The following PLXDC2 variants were observed in gnomAD, a reference collection of about 807,000 sequenced individuals.
PLXDC2 encodes plexin domain containing 2.
PLXDC2 carries 40 observed loss-of-function variants against 68.9 expected under a neutral mutation model. The ratio of observed to expected loss-of-function variants is 0.58; its 90% confidence interval spans 0.45 to 0.76. The LOEUF (loss-of-function observed/expected upper bound fraction) is 0.76. PLXDC2 is among the 30% of genes least tolerant of loss of function. PLXDC2 has a pLI of 0.00. For missense variants in PLXDC2, 644 were observed against 661.9 expected (o/e 0.97, Z 0.30); for synonymous variants, 243 against 234.2 (o/e 1.04, Z -0.34).
chr10:20,257,567 G>C (rs1835757725), intron 13 of PLXDC2, among the ~76,000 whole-genome samples: 1 of 152,150 alleles, frequency 6.6e-6, no homozygotes, highest in South Asian at 2.1e-4. Context: ...GGTAGTATTG[G>C]GTAATGTCTC....
intron 1 of PLXDC2, among the ~76,000 whole-genome samples, chr10:19,870,733 A>C (rs573769898): frequency 4.6e-5 from 7 of 152,250 alleles, no homozygotes; most frequent in Non-Finnish European, 8.8e-5. Context: ...GCCTACTACT[A>C]CTATTTGTAC....
At chr10:20,267,542 G>T (rs1485758212) in intron 13 of PLXDC2, among the ~76,000 whole-genome samples, 1 of 152,116 alleles carries the variant, frequency 6.6e-6, no homozygotes, top group African/African-American at 2.4e-5. Context: ...CAAATTTGCT[G>T]ACTCTCCCAA....
intron 9 of PLXDC2, among the ~76,000 whole-genome samples, chr10:20,196,800 C>G (rs1469657072): frequency 6.6e-6 from 1 of 152,170 alleles, no homozygotes; most frequent in East Asian, 1.9e-4. Context: ...ATTTCACGTT[C>G]AAACAGTGTT....
At chr10:20,236,805 C>T (rs1324000178) in intron 12 of PLXDC2, among the ~76,000 whole-genome samples, 2 of 152,042 alleles carry the variant, frequency 1.3e-5, no homozygotes, top group East Asian at 3.9e-4. Context: ...TAAAACTTTC[C>T]CTTTAAGATA....
At chr10:20,220,461 AT>A (rs982221602) in intron 12 of PLXDC2, among the ~76,000 whole-genome samples, 4 of 151,852 alleles carry the variant, frequency 2.6e-5, no homozygotes, top group Admixed American at 1.3e-4. Flanking sequence ...TATTTATTAG[AT>A]TTTTTTCTAT....
In PLXDC2 at chr10:19,975,351, G is replaced by A. The variant is rs540598375; in HGVS notation, c.113-26424G>A. On this transcript the variant is annotated intron_variant, in intron 1 of 13. Transcript: ENST00000377252. ...CAGGTGCCTGTAGTCCCAGCTACTC[G>A]GGAGGCCGAGGCAGGAGAATGACGT... 1.8e-3 allele frequency among the ~76,000 whole-genome samples: 278 copies of A among 152,192 alleles called. 2 individuals carry two copies. The highest frequency in any genetic ancestry group is 5.3e-4 in the Non-Finnish European group (36 of 67,998).
chr10:19,961,032 G>A (rs987045799), intron 1 of PLXDC2, among the ~76,000 whole-genome samples: 4 of 152,188 alleles, frequency 2.6e-5, no homozygotes, highest in South Asian at 2.1e-4. Context: ...TAGACCATAC[G>A]GCATGGGCTG....
intron 1 of PLXDC2, among the ~76,000 whole-genome samples, chr10:19,989,771 A>G (rs1401056832): frequency 3.2e-5 from 4 of 126,686 alleles, no homozygotes; most frequent in Non-Finnish European, 6.4e-5. Context: ...TTTTTTTGAG[A>G]TGGAGTCTTG....
chr10:20,254,755 G>A (rs1835720834), intron 13 of PLXDC2, among the ~76,000 whole-genome samples: 4 of 151,784 alleles, frequency 2.6e-5, no homozygotes, highest in Admixed American at 2.6e-4. Context: ...AGAAAAATAG[G>A]TGAAATTGGG....
At chr10:20,071,040 C>T (rs1836307530) in intron 4 of PLXDC2, 1 of 151,500 alleles carries the variant, frequency 6.6e-6, no homozygotes, top group Non-Finnish European at 1.5e-5. Flanking sequence ...AATGTAAAGA[C>T]ACTCCTTTTG....
chr10:20,160,004 C>A (rs1834269658), intron 6 of PLXDC2, among the ~76,000 whole-genome samples: 1 of 152,088 alleles, frequency 6.6e-6, no homozygotes, highest in South Asian at 2.1e-4. Flanking sequence ...GTTTTATGTT[C>A]ACTTGTTTTA....
chr10:20,282,586 T>C lies in PLXDC2; in HGVS notation c.*2767T>C, dbSNP rs1030457208. The stretch of plus-strand genomic sequence containing the variant: ...TAAAGATACTGAAACTCAAGAAAAA[T>C]ATCTTGACCCATTTATGTCTAGTGT... On this transcript the variant is annotated 3_prime_UTR_variant, in exon 14 of 14. Coordinates refer to ENST00000377252, the MANE Select transcript of PLXDC2 (RefSeq NM_032812.9). 4 of 152,070 alleles carry C rather than the reference T, an allele frequency of 2.6e-5. No individual in the cohort carries two copies. The highest frequency in any genetic ancestry group is 9.7e-5 in the African/African-American group (4 of 41,412). The allele number at this position is 152,070 out of a possible 1,614,324, so 9.4% of individuals were successfully genotyped here.
intron 4 of PLXDC2, among the ~76,000 whole-genome samples, chr10:20,140,604 T>G (rs979286885): frequency 3.3e-5 from 5 of 152,044 alleles, no homozygotes; most frequent in Non-Finnish European, 7.4e-5. Context: ...CCTGAAAGCT[T>G]GTAAGGTTTC....
chr10:19,841,454 T>C (rs1161973983), intron 1 of PLXDC2, among the ~76,000 whole-genome samples: 1 of 151,996 alleles, frequency 6.6e-6, no homozygotes, highest in African/African-American at 2.4e-5. Flanking sequence ...TTTTAGAAGA[T>C]ACAAAACAGT....
chr10:20,241,499 G>A (rs1175685369), intron 12 of PLXDC2, among the ~76,000 whole-genome samples: 1 of 152,168 alleles, frequency 6.6e-6, no homozygotes, highest in East Asian at 1.9e-4. Context: ...AAAGAAGTAA[G>A]GCTAAACCAG....
chr10:20,095,205 C>T (rs961310545), intron 4 of PLXDC2, among the ~76,000 whole-genome samples: 1 of 151,986 alleles, frequency 6.6e-6, no homozygotes, highest in Non-Finnish European at 1.5e-5. Flanking sequence ...CTTGTGAAAT[C>T]AGTGCGTATT....
intron 1 of PLXDC2, among the ~76,000 whole-genome samples, chr10:19,880,871 T>G (rs1475101767): frequency 6.6e-6 from 1 of 152,240 alleles, no homozygotes; most frequent in Admixed American, 6.5e-5. Flanking sequence ...AAAATAACTT[T>G]GCATGTTTTT....
chr10:19,875,995 G>T (rs1438907613), intron 1 of PLXDC2, among the ~76,000 whole-genome samples: 1 of 152,082 alleles, frequency 6.6e-6, no homozygotes, highest in Non-Finnish European at 1.5e-5. Flanking sequence ...AACCTTAGCA[G>T]CATTTTTCTG....
At chr10:20,149,214 C>CTTTTTTTTTTTTT (rs71200985) in intron 6 of PLXDC2, among the ~76,000 whole-genome samples, 1 of 112,388 alleles carries the variant, frequency 8.9e-6, no homozygotes, top group African/African-American at 3.4e-5. Flanking sequence ...ATTTTTCTTT[C>CTTTTTTTTTTTTT]TTTTTTTTTC....
Sources: allele counts gnomAD v4.1 joint callset (sites outside exome capture counted in the v4.1 genomes callset), GRCh38; gene constraint gnomAD v4.1.1; transcripts MANE v1.5; gene names NCBI Gene and HGNC (gene_info 2026-07-23, HGNC 2026-07-21).